The following ABRACL variants were observed in gnomAD, a reference collection of about 807,000 sequenced individuals.
ABRACL encodes the protein ABRA C-terminal like, also known as costars family protein ABRACL.
A neutral mutation model predicts 7.0 loss-of-function variants in ABRACL; 4 were observed. That is an observed-to-expected ratio of 0.57 (90% CI 0.28 to 1.30). The LOEUF (loss-of-function observed/expected upper bound fraction) is 1.30, where lower values mean the gene tolerates loss of function less well. Among genes scored for constraint, ABRACL ranks in the 50% most tolerant of loss-of-function variants. ABRACL has a pLI of 0.10. For synonymous variants in ABRACL, 30 were observed against 36.0 expected (o/e 0.83, Z 0.60); for missense variants, 104 against 97.3 (o/e 1.07, Z -0.29).
At chr6:139,038,781 A>G (rs1786202138) in intron 2 of ABRACL, among the ~76,000 whole-genome samples, 3 of 152,244 alleles carry the variant, frequency 2.0e-5, no homozygotes, top group African/African-American at 7.2e-5. Context: ...CATGGGCTGT[A>G]AAGTCGGACT....
chr6:139,040,132 A>G (rs1786223507), intron 2 of ABRACL, among the ~76,000 whole-genome samples: 1 of 152,138 alleles, frequency 6.6e-6, no homozygotes, highest in Non-Finnish European at 1.5e-5. Context: ...AAAGTAGAAG[A>G]GTAACAATGA....
At position 139,034,365 on chromosome 6, in the gene ABRACL, C is replaced by T. The variant is rs1479620544; in HGVS notation, c.61+144C>T. 5 of 1,564,466 alleles carry T rather than the reference C, an allele frequency of 3.2e-6. No homozygotes were observed. In the East Asian group the frequency reaches 9.6e-5, roughly 30 times the overall value. Reference sequence around the variant, plus strand: ...CTCTGCCCACAGCCCCAGGTTATAACTGCCCTTAGCCAGGAATTGACATCT... The same window carrying T: ...CTCTGCCCACAGCCCCAGGTTATAATTGCCCTTAGCCAGGAATTGACATCT... On this transcript the variant is annotated intron_variant, in intron 2 of 2. Coordinates refer to ENST00000367660, the MANE Select transcript of ABRACL (RefSeq NM_021243.3).
chr6:139,041,160 T>C (rs1164055377), intron 2 of ABRACL, among the ~76,000 whole-genome samples: 1 of 152,206 alleles, frequency 6.6e-6, no homozygotes, highest in African/African-American at 2.4e-5. Flanking sequence ...TATTGTCTCC[T>C]TTAAAGTCCA....
intron 2 of ABRACL, among the ~76,000 whole-genome samples, chr6:139,040,891 C>T (rs543904065): frequency 1.3e-5 from 2 of 152,304 alleles, no homozygotes; most frequent in South Asian, 2.1e-4. Context: ...CACAACAGAG[C>T]CCCTGGTTGC....
chr6:139,034,012 A>G (rs1786119329), intron 1 of ABRACL, 143 bp from the exon 2 acceptor site: 1 of 1,122,138 alleles, frequency 8.9e-7, no homozygotes, highest in South Asian at 1.5e-5. Context: ...TGCCACATGC[A>G]TCACACAAAT....
intron 2 of ABRACL, among the ~76,000 whole-genome samples, chr6:139,040,229 G>A (rs1324182129): frequency 1.3e-5 from 2 of 152,174 alleles, no homozygotes; most frequent in African/African-American, 4.8e-5. Context: ...CAGAAAAGGA[G>A]GCTGGTACAG....
intron 2 of ABRACL, among the ~76,000 whole-genome samples, chr6:139,040,552 C>G (rs999011707): frequency 6.6e-6 from 1 of 151,926 alleles, no homozygotes; most frequent in Non-Finnish European, 1.5e-5. Flanking sequence ...GTATTTTTGC[C>G]CTCATTTGAT....
At chr6:139,042,462 A>C (rs1786267088) in intron 2 of ABRACL, among the ~76,000 whole-genome samples, 1 of 152,252 alleles carries the variant, frequency 6.6e-6, no homozygotes, top group Non-Finnish European at 1.5e-5. Context: ...TTAGCACTGT[A>C]GCACATTCAA....
At position 139,037,850 on chromosome 6, in the gene ABRACL, C is replaced by T. The variant is rs143323425; in HGVS notation, c.61+3629C>T. Among the ~76,000 whole-genome samples, 43 of 150,576 alleles carry T rather than the reference C, an allele frequency of 2.9e-4. No homozygotes were observed. The East Asian group carries it at 5.1e-3, about 18-fold the overall frequency. The stretch of plus-strand genomic sequence containing the variant: ...GGAGTACAGTGGTGCGATTTTGGCT[C>T]ACTGCAACCTCTGCCTCCTGGGTTC... On this transcript the variant is annotated intron_variant, in intron 2 of 2. Coordinates refer to ENST00000367660, the MANE Select transcript of ABRACL (RefSeq NM_021243.3).
At chr6:139,029,052 G>T (rs1368214745) in intron 1 of ABRACL, among the ~76,000 whole-genome samples, 177 bp downstream of exon 1, 1 of 152,080 alleles carries the variant, frequency 6.6e-6, no homozygotes, top group African/African-American at 2.4e-5. Context: ...TTGGGGTCCC[G>T]TGGGGCGCGC....
rs771677106 is a variant in ABRACL at position 139,034,169 on chromosome 6, G to A, written c.9G>A (p.Val3=). 2.5e-6 allele frequency: 4 copies of A among 1,614,242 alleles called. No homozygotes were observed. The highest frequency in any genetic ancestry group is 3.4e-6 in the Non-Finnish European group (4 of 1,180,040). Residue 3 remains valine (V), a synonymous_variant, in exon 2 of 3, where the codon GTG becomes GTA. Coordinates refer to ENST00000367660, the MANE Select transcript of ABRACL (RefSeq NM_021243.3). MN[V]DHEVNLLVEE... is the part of the protein sequence containing the mutation. ...TTCTCTCCCAGGCAGCAATGAATGTGGATCACGAGGTTAACCTCTTAGTGG... is the reference window on the plus strand; with the variant it reads ...TTCTCTCCCAGGCAGCAATGAATGTAGATCACGAGGTTAACCTCTTAGTGG...
Position 139,043,011 on chromosome 6 carries a change from T to G in ABRACL, c.*108T>G. 3 of 971,308 alleles carry G rather than the reference T, an allele frequency of 3.1e-6. No homozygotes were observed. Among genetic ancestry groups the G allele is most frequent in the Non-Finnish European group, 4.3e-6 (3 of 695,984 alleles). The allele number at this position is 971,308 out of a possible 1,614,324, so 60.2% of individuals were successfully genotyped here. A position where few individuals can be genotyped will look rare whatever the true frequency, so the allele number is the denominator to read the frequency against. ...TACTTAATGTATTTTTATAGAACTT[T>G]GTAAACGAAAGGAGATTCATGTTTT... On this transcript the variant is annotated 3_prime_UTR_variant, in exon 3 of 3. Transcript: ENST00000367660.
chr6:139,036,151 G>C (rs1786152887), intron 2 of ABRACL, among the ~76,000 whole-genome samples: 2 of 151,712 alleles, frequency 1.3e-5, no homozygotes, highest in South Asian at 4.2e-4. Flanking sequence ...ATGTTGGCCA[G>C]GCTGGTCATG....
chr6:139,040,185 A>T lies in ABRACL; in HGVS notation c.62-2534A>T, dbSNP rs557740796. ...GTTTCTTCCACATTTTTTCTTCCAC[A>T]CCCATGTGGAGGATGTATTGAGGGG... is the stretch of plus-strand genomic sequence containing the variant. On this transcript the variant is annotated intron_variant, in intron 2 of 2. Coordinates refer to ENST00000367660, the MANE Select transcript of ABRACL (RefSeq NM_021243.3). Among the ~76,000 whole-genome samples the T allele has an allele frequency of 3.9e-5, 6 of 152,248 alleles. No individual in the cohort carries two copies. In the South Asian group the frequency reaches 1.2e-3, roughly 32 times the overall value.
intron 2 of ABRACL, among the ~76,000 whole-genome samples, chr6:139,036,425 A>G (rs887389057): frequency 6.6e-6 from 1 of 151,998 alleles, no homozygotes. Context: ...TATTCTTCCT[A>G]CTATTCCCTC....
intron 2 of ABRACL, among the ~76,000 whole-genome samples, chr6:139,037,973 C>T (rs775992516): frequency 1.1e-4 from 17 of 150,388 alleles, no homozygotes; most frequent in Non-Finnish European, 1.0e-4. Context: ...GACAGTTTTT[C>T]GCCATGTTGG....
chr6:139,030,914 TA>T (rs1786073137), intron 1 of ABRACL, among the ~76,000 whole-genome samples: 1 of 152,228 alleles, frequency 6.6e-6, no homozygotes, highest in Non-Finnish European at 1.5e-5. Context: ...TAATTAATTA[TA>T]AAGAAACGCT....
intron 1 of ABRACL, among the ~76,000 whole-genome samples, chr6:139,032,256 G>T (rs1281172816): frequency 6.6e-6 from 1 of 152,194 alleles, no homozygotes; most frequent in Admixed American, 6.5e-5. Flanking sequence ...GAGCCACCGC[G>T]CCCGGGCTTT....
chr6:139,041,856 G>A (rs749740607), intron 2 of ABRACL, among the ~76,000 whole-genome samples: 5 of 152,006 alleles, frequency 3.3e-5, no homozygotes, highest in Admixed American at 1.3e-4. Flanking sequence ...ACAGTGCTGC[G>A]CTCACAGTAG....
Sources: allele counts gnomAD v4.1 joint callset (sites outside exome capture counted in the v4.1 genomes callset), GRCh38; gene constraint gnomAD v4.1.1; transcripts MANE v1.5; gene names NCBI Gene and HGNC (gene_info 2026-07-23, HGNC 2026-07-21).